Variants in TUFT1 observed in about 807,000 individuals in gnomAD.
TUFT1 encodes tuftelin 1, also known as tuftelin.
Under a neutral mutation model 57.8 loss-of-function variants are expected in TUFT1, and 43 were observed. The ratio of observed to expected loss-of-function variants is 0.74; its 90% CI spans 0.58 to 0.96. TUFT1 has a LOEUF of 0.96. Ranked by LOEUF, TUFT1 falls within the 40% of genes least tolerant of loss-of-function variation. The probability of loss-of-function intolerance (pLI) is 0.00; values close to 1 mark genes in which losing one functional copy is unlikely to be tolerated. For synonymous variants in TUFT1, 166 were observed against 176.7 expected, an observed-to-expected ratio of 0.94 and a Z score of 0.48; for missense variants, 459 against 489.0, an observed-to-expected ratio of 0.94 and a Z score of 0.58.
At chr1:151,540,461 T>A in intron 1 of TUFT1, 35 bp downstream of exon 1, 1 of 1,613,382 alleles carries the variant, frequency 6.2e-7, no homozygotes, top group Non-Finnish European at 8.5e-7. Flanking sequence ...TTCTCCGTTT[T>A]GTATTCCCGG....
At chr1:151,561,641 T>C in intron 1 of TUFT1, 3 of 1,186,826 alleles carry the variant, frequency 2.5e-6, no homozygotes, top group Non-Finnish European at 3.2e-6. Context: ...TGAATTCAGG[T>C]ACTTTCCTAT....
At chr1:151,562,469 A>G (rs887315020) in intron 2 of TUFT1, 116 bp from the exon 3 acceptor site, 1 of 917,050 alleles carries the variant, frequency 1.1e-6, no homozygotes, top group Non-Finnish European at 1.7e-6. Flanking sequence ...CTAATCCTTC[A>G]AGTCTTTTGA....
At position 151,562,566 on chromosome 1, in the gene TUFT1, C is replaced by CTCATCT. The variant is rs750557028; in HGVS notation, c.136-18_136-13dup. 8 of 1,584,750 alleles carry CTCATCT rather than the reference C, an allele frequency of 5.0e-6. No homozygotes were observed. The African/African-American group carries it at 1.1e-4, about 21-fold the overall frequency. ...GCCATCTCTCTCTCTCTCTCTCTCT[C>CTCATCT]TCATCTCTCTTTGGCCAGGCGGGCA... On this transcript the variant is annotated intron_variant, in intron 2 of 12. Coordinates refer to ENST00000368849, the MANE Select transcript of TUFT1 (RefSeq NM_020127.3).
At chr1:151,572,078 G>C (rs1475571200) in intron 7 of TUFT1, among the ~76,000 whole-genome samples, 1 of 152,140 alleles carries the variant, frequency 6.6e-6, no homozygotes, top group Non-Finnish European at 1.5e-5. Flanking sequence ...GAGCATGCCT[G>C]TGGTTCCAGC....
chr1:151,555,776 C>CAA lies in TUFT1; in HGVS notation c.61-6296_61-6295dup, dbSNP rs776491723. On this transcript the variant is annotated intron_variant, in intron 1 of 12. Transcript: ENST00000368849. ...TGGGTGACAAGGTGAGACTCCGTCT[C>CAA]AAAAAAAAAAAAAAAAAAAAGATAA... is the stretch of plus-strand genomic sequence containing the variant. Among the ~76,000 whole-genome samples the CAA allele has an allele frequency of 3.7e-3, 263 of 70,222 alleles. 2 individuals are homozygous for CAA. Among genetic ancestry groups the CAA allele is most frequent in the Non-Finnish European group, 5.7e-3 (208 of 36,236 alleles). The allele number at this position is 70,222 out of a possible 152,430, so 46.1% of individuals were successfully genotyped here. A position where few individuals can be genotyped will look rare whatever the true frequency, so the allele number is the denominator to read the frequency against.
intron 8 of TUFT1, 111 bp downstream of exon 8, chr1:151,574,509 CA>C: frequency 5.1e-6 from 7 of 1,384,274 alleles, no homozygotes; most frequent in Non-Finnish European, 6.9e-6. Flanking sequence ...TCCAGAAAAG[CA>C]CACTTCGCAC....
chr1:151,574,493 A>G (rs1403088202), intron 8 of TUFT1, 95 bp downstream of exon 8: 1 of 1,522,142 alleles, frequency 6.6e-7, no homozygotes, highest in Non-Finnish European at 8.9e-7. Flanking sequence ...TTCTTTTCCA[A>G]GCCTCTCCAG....
At chr1:151,575,112 G>A in intron 9 of TUFT1, 107 bp downstream of exon 9, 2 of 968,822 alleles carry the variant, frequency 2.1e-6, no homozygotes, top group East Asian at 2.6e-5. Flanking sequence ...GGAAGCTGGT[G>A]CTGATGTCAG....
At chr1:151,544,914 A>G (rs1223249925) in intron 1 of TUFT1, among the ~76,000 whole-genome samples, 2 of 152,004 alleles carry the variant, frequency 1.3e-5, no homozygotes, top group African/African-American at 4.8e-5. Context: ...GAAAATCTAT[A>G]CTCCCACCCC....
rs1369392186 is a variant in TUFT1 at position 151,572,555 on chromosome 1, T to A, written c.595-1715T>A. On this transcript the variant is annotated intron_variant, in intron 7 of 12. Coordinates refer to ENST00000368849, the MANE Select transcript of TUFT1 (RefSeq NM_020127.3). The stretch of plus-strand genomic sequence containing the variant: ...GGCCTTACTTTTAAGTTCCTGCCTA[T>A]GGGGATGGCCTATTTCAGGTTAATA... Among the ~76,000 whole-genome samples, 3 of 152,296 alleles carry A rather than the reference T, an allele frequency of 2.0e-5. No individual in the cohort carries two copies. The East Asian group carries it at 5.8e-4, about 29-fold the overall frequency.
chr1:151,560,824 A>G (rs1665858615), intron 1 of TUFT1, among the ~76,000 whole-genome samples: 1 of 152,160 alleles, frequency 6.6e-6, no homozygotes, highest in African/African-American at 2.4e-5. Context: ...ATTCACTTCC[A>G]TGCATAGTGC....
At chr1:151,556,048 T>C (rs572952100) in intron 1 of TUFT1, among the ~76,000 whole-genome samples, 1 of 152,330 alleles carries the variant, frequency 6.6e-6, no homozygotes, top group African/African-American at 2.4e-5. Flanking sequence ...CCAGTCCTTT[T>C]CCCATTTCTA....
intron 7 of TUFT1, among the ~76,000 whole-genome samples, chr1:151,573,197 A>G (rs1274808944): frequency 6.6e-6 from 1 of 152,214 alleles, no homozygotes; most frequent in Non-Finnish European, 1.5e-5. Context: ...GGACACTGAC[A>G]GTCTACTTCG....
intron 5 of TUFT1, among the ~76,000 whole-genome samples, chr1:151,565,378 A>G (rs1032112774): frequency 2.0e-5 from 3 of 152,266 alleles, no homozygotes; most frequent in African/African-American, 4.8e-5. Flanking sequence ...ATTTTGGTTC[A>G]GGCAGAGTCT....
rs1666674473 is a variant in TUFT1, at chr1:151,582,549, G to T, written c.*842G>T. ...TTGTATTTATTTTGCTAAGTTATTG[G>T]TGGTTTTGCTTACATCTCATGATTG... On this transcript the variant is annotated 3_prime_UTR_variant, in exon 13 of 13. Coordinates refer to ENST00000368849, the MANE Select transcript of TUFT1 (RefSeq NM_020127.3). 4.4e-6 allele frequency: 1 copy of T among 228,846 alleles called. No individual in the cohort carries two copies. The highest frequency in any genetic ancestry group is 2.3e-5 in the African/African-American group (1 of 43,698). The allele number at this position is 228,846 out of a possible 1,614,324, so 14.2% of individuals were successfully genotyped here.
intron 1 of TUFT1, 74 bp from the exon 2 acceptor site, chr1:151,562,017 C>A: frequency 6.6e-7 from 1 of 1,516,234 alleles, no homozygotes; most frequent in Non-Finnish European, 9.1e-7. Flanking sequence ...CAGAAGCACC[C>A]CTGTACTGGT....
chr1:151,572,292 C>G (rs1666278270), intron 7 of TUFT1, among the ~76,000 whole-genome samples: 1 of 151,860 alleles, frequency 6.6e-6, no homozygotes, highest in Non-Finnish European at 1.5e-5. Context: ...GTTGGCACAC[C>G]TTTTTATAAT....
chr1:151,546,844 A>G (rs929105639), intron 1 of TUFT1, among the ~76,000 whole-genome samples: 2 of 152,158 alleles, frequency 1.3e-5, no homozygotes, highest in South Asian at 2.1e-4. Flanking sequence ...TTTGGTGTAC[A>G]AGTTTTTGTG....
At chr1:151,545,926 G>A (rs994114618) in intron 1 of TUFT1, 1 of 520,642 alleles carries the variant, frequency 1.9e-6, no homozygotes, top group African/African-American at 1.9e-5. Flanking sequence ...GACCAAGGCA[G>A]CTGGTGTCCC....
Sources: allele counts gnomAD v4.1 joint callset (sites outside exome capture counted in the v4.1 genomes callset), GRCh38; gene constraint gnomAD v4.1.1; transcripts MANE v1.5; gene names NCBI Gene and HGNC (gene_info 2026-07-23, HGNC 2026-07-21).